Variants in FYB1 observed in about 807,000 individuals in gnomAD.
The protein encoded by FYB1 is FYN-binding protein 1.
In FYB1, 41 loss-of-function variants were observed where a neutral mutation model predicts 94.1. The ratio of observed to expected loss-of-function variants is 0.44; its 90% CI spans 0.34 to 0.57. FYB1 has a LOEUF of 0.57. Ranked by LOEUF, FYB1 falls within the 20% of genes least tolerant of loss-of-function variation. The pLI, the probability that FYB1 is intolerant of heterozygous loss-of-function variation, is 0.02. For missense variants in FYB1, 1,050 were observed against 976.8 expected (o/e 1.07, Z -1.00); for synonymous variants, 367 against 353.2 (o/e 1.04, Z -0.44).
At chr5:39,267,268 A>T (rs1452731888) in intron 1 of FYB1, among the ~76,000 whole-genome samples, 1 of 152,172 alleles carries the variant, frequency 6.6e-6, no homozygotes, top group Non-Finnish European at 1.5e-5. Context: ...ACAGGAATCC[A>T]ACATCCATCC....
chr5:39,174,062 A>G (rs1745489094), intron 2 of FYB1, among the ~76,000 whole-genome samples: 1 of 152,190 alleles, frequency 6.6e-6, no homozygotes, highest in Non-Finnish European at 1.5e-5. Context: ...AATGATATCA[A>G]TTCTTCCAAT....
At chr5:39,203,812 TC>T (rs1267867318) in intron 1 of FYB1, among the ~76,000 whole-genome samples, 1 of 152,258 alleles carries the variant, frequency 6.6e-6, no homozygotes, top group African/African-American at 2.4e-5. Context: ...TTACTGAGTC[TC>T]CCCTGCTTGT....
chr5:39,137,506 C>T, intron 7 of FYB1, 94 bp downstream of exon 7: 1 of 1,385,888 alleles, frequency 7.2e-7, no homozygotes, highest in Non-Finnish European at 9.6e-7. Context: ...ATAAGTAATT[C>T]TTCAACTATG....
intron 2 of FYB1, among the ~76,000 whole-genome samples, chr5:39,196,208 C>CTTTT (rs5867445): frequency 5.5e-5 from 7 of 128,278 alleles, no homozygotes; most frequent in Non-Finnish European, 6.5e-5. Context: ...ATAATTCTTT[C>CTTTT]TTTTTTTTTT....
At chr5:39,124,915 C>CCACACA (rs56887056) in intron 12 of FYB1, among the ~76,000 whole-genome samples, 7,604 of 139,466 alleles carry the variant, frequency 0.055, 221 homozygotes, top group Middle Eastern at 0.1. Context: ...TAAATACACT[C>CCACACA]CACACACACA....
rs78671858 is a variant in FYB1, at chr5:39,142,712, A to G, written c.1293-1571T>C. Among the ~76,000 whole-genome samples the G allele has an allele frequency of 0.011, 1,636 of 152,050 alleles. 70 individuals carry two copies. The East Asian group carries it at 0.14, about 13-fold the overall frequency. ...AAAATTGTCTTTATTCACTGACTCT[A>G]CTTCCTCTTCTCTCACGCATTTCTT... On this transcript the variant is annotated intron_variant, in intron 3 of 18. Transcript: ENST00000512982.
chr5:39,270,460 A>G, intron 1 of FYB1: 10 of 1,024,358 alleles, frequency 9.8e-6, no homozygotes, highest in Non-Finnish European at 1.4e-6. Context: ...AAAATCCCAA[A>G]GGCTCAGAGG....
In FYB1 at chr5:39,219,556, A is replaced by T; in HGVS notation, c.-141T>A. On this transcript the variant is annotated 5_prime_UTR_variant, in exon 1 of 19. In the 5' UTR this introduces an upstream ATG that the reference lacks. Transcript: ENST00000512982. ...GCATCTGCTCTGCATGTGGAACTCAAGAACTGCGGAGCTTTCTGATGCCTG... is the reference window on the plus strand; with the variant it reads ...GCATCTGCTCTGCATGTGGAACTCATGAACTGCGGAGCTTTCTGATGCCTG... The T allele has an allele frequency of 1.0e-6, 1 of 985,448 alleles. No individual in the cohort carries two copies. The highest frequency in any genetic ancestry group is 1.2e-6 in the Non-Finnish European group (1 of 829,958). 61.0% of individuals were successfully genotyped at this position (985,448 alleles called of 1,614,324 possible).
Position 39,127,523 on chromosome 5 carries a change from G to A in FYB1, c.1907+218C>T, listed in dbSNP as rs377076685. 3.0e-3 allele frequency among the ~76,000 whole-genome samples: 441 copies of A among 148,828 alleles called. 2 individuals are homozygous for A. The highest frequency in any genetic ancestry group is 0.022 in the South Asian group (103 of 4,736). On this transcript the variant is annotated intron_variant, in intron 11 of 18. Coordinates refer to ENST00000512982, the MANE Select transcript of FYB1 (RefSeq NM_001465.6). ...TTGTTTTCATTTCACTTGTTTTGCT[G>A]TAGTTATTGAAGTTCTTCCAAACAA...
chr5:39,249,446 A>C (rs890470120), intron 1 of FYB1, among the ~76,000 whole-genome samples: 1 of 152,222 alleles, frequency 6.6e-6, no homozygotes, highest in Non-Finnish European at 1.5e-5. Flanking sequence ...GTAAAAACTG[A>C]CAATGGGCTG....
At chr5:39,220,496 AAAAAG>A (rs1177983116), upstream of FYB1, among the ~76,000 whole-genome samples, 20 of 151,946 alleles carry the variant, frequency 1.3e-4, no homozygotes, top group Admixed American at 1.1e-3. Context: ...GAAAAGAGAA[AAAAAG>A]AAAAGAAAAG....
intron 1 of FYB1, among the ~76,000 whole-genome samples, chr5:39,260,484 G>C (rs1029979583): frequency 6.6e-6 from 1 of 152,002 alleles, no homozygotes. Context: ...GTACCAAGCA[G>C]GATAAGTAAA....
chr5:39,134,171 C>G (rs373630318), intron 9 of FYB1, 37 bp downstream of exon 9: 17 of 1,488,918 alleles, frequency 1.1e-5, no homozygotes, highest in Admixed American at 3.7e-5. Context: ...GACAAGGAGA[C>G]AGTTTGATCT....
intron 1 of FYB1, among the ~76,000 whole-genome samples, chr5:39,230,842 T>TAC (rs1491298760): frequency 1.7e-4 from 12 of 72,042 alleles, no homozygotes; most frequent in Admixed American, 1.3e-3. Context: ...CCTGTCTCAG[T>TAC]ATACACACAC....
At chr5:39,171,015 C>T (rs766284269) in intron 2 of FYB1, among the ~76,000 whole-genome samples, 4 of 152,106 alleles carry the variant, frequency 2.6e-5, no homozygotes, top group South Asian at 2.1e-4. Flanking sequence ...AGACTGGGCA[C>T]GGTGACTCAC....
chr5:39,250,843 G>A (rs564644116), intron 1 of FYB1: 2 of 152,136 alleles, frequency 1.3e-5, no homozygotes, highest in Admixed American at 1.3e-4. Flanking sequence ...TTCAGGATAA[G>A]GAAAAACAAA....
chr5:39,165,799 TA>T (rs1409101602), intron 2 of FYB1, among the ~76,000 whole-genome samples: 1 of 152,044 alleles, frequency 6.6e-6, no homozygotes, highest in African/African-American at 2.4e-5. Context: ...ATAATTTCAT[TA>T]AAAAGTGGGC....
intron 1 of FYB1, chr5:39,274,371 C>CTCTCTTTTCTTCTTTATTAG (rs1752736969): frequency 6.6e-6 from 1 of 152,208 alleles, no homozygotes; most frequent in African/African-American, 2.4e-5. Context: ...GCTAAGACCC[C>CTCTCTTTTCTTCTTTATTAG]TGAGATAGAA....
chr5:39,107,532 G>A, intron 18 of FYB1, 67 bp from the exon 19 acceptor site: 1 of 1,108,802 alleles, frequency 9.0e-7, no homozygotes, highest in Non-Finnish European at 1.3e-6. Context: ...TTCCAAGTTT[G>A]GAAATGTGGG....
Sources: allele counts gnomAD v4.1 joint callset (sites outside exome capture counted in the v4.1 genomes callset), GRCh38; gene constraint gnomAD v4.1.1; transcripts MANE v1.5; gene names NCBI Gene and HGNC (gene_info 2026-07-23, HGNC 2026-07-21).